The following XXYLT1 variants were observed in gnomAD, a reference collection of about 807,000 sequenced individuals.
XXYLT1 encodes xyloside xylosyltransferase 1.
A neutral mutation model predicts 28.9 loss-of-function variants in XXYLT1; 20 were observed. That is an observed-to-expected ratio of 0.69 (90% CI 0.49 to 1.00). The LOEUF (loss-of-function observed/expected upper bound fraction) is 1.00. XXYLT1 is among the 50% of genes least tolerant of loss of function. The pLI is 0.00. For synonymous variants in XXYLT1, 257 were observed against 253.8 expected (o/e 1.01, Z -0.12); for missense variants, 542 against 560.1 (o/e 0.97, Z 0.33).
At chr3:195,088,031 T>G (rs1715851082) in intron 3 of XXYLT1, among the ~76,000 whole-genome samples, 1 of 150,950 alleles carries the variant, frequency 6.6e-6, no homozygotes. Flanking sequence ...GCTCGGAGGG[T>G]CCTACCCCAC....
intron 3 of XXYLT1, among the ~76,000 whole-genome samples, chr3:195,143,829 TAG>T (rs1491415919): frequency 2.8e-4 from 26 of 93,658 alleles, no homozygotes; most frequent in East Asian, 6.5e-4. Context: ...TAGATATATA[TAG>T]ATATAGATAT....
rs749565250 is a variant in XXYLT1, at chr3:195,156,500, A to G, written c.734T>C (p.Phe245Ser). The change falls in exon 3 of 4, where the codon TTC (phenylalanine) becomes TCC (serine). Residue 245 changes from phenylalanine (F) to serine (S), a missense_variant. Phe to Ser is a radical substitution (Grantham distance 155). Coordinates refer to ENST00000310380, the MANE Select transcript of XXYLT1 (RefSeq NM_152531.5). ...IRELFEEFDSFLPGAIIGIAR... is the reference protein window; with the variant it reads ...IRELFEEFDSSLPGAIIGIAR... The stretch of plus-strand genomic sequence containing the variant: ...TATGCCGATGATGGCGCCTGGCAGG[A>G]AACTGTCAAATTCCTCAAACAACTC... The G allele has an allele frequency of 2.5e-6, 4 of 1,614,144 alleles. No homozygotes were observed. In the African/African-American group the frequency reaches 5.3e-5, roughly 22 times the overall value.
In XXYLT1 at chr3:195,210,758, A is replaced by G. The variant is rs1281209362; in HGVS notation, c.652+15951T>C. On this transcript the variant is annotated intron_variant, in intron 2 of 3. Transcript: ENST00000310380. The surrounding 1 kb of genome is among the most constrained non-coding windows in gnomAD (Gnocchi z 4.8). ...ATTTGCTCCATAAGAGCTGCCAGAAAATAGTTTTCACTGAAATCACTGGAC... is the reference window on the plus strand; with the variant it reads ...ATTTGCTCCATAAGAGCTGCCAGAAGATAGTTTTCACTGAAATCACTGGAC... Among the ~76,000 whole-genome samples, 1 of 152,156 alleles carries G rather than the reference A, an allele frequency of 6.6e-6. No individual in the cohort carries two copies. Among genetic ancestry groups the G allele is most frequent in the Non-Finnish European group, 1.5e-5 (1 of 68,010 alleles).
At chr3:195,153,918 G>T (rs1270594413) in intron 3 of XXYLT1, 6 of 152,412 alleles carry the variant, frequency 3.9e-5, no homozygotes, top group African/African-American at 1.2e-4. Context: ...ACGGAGGGAG[G>T]ACAATGAGGG....
intron 3 of XXYLT1, chr3:195,152,347 G>A (rs1471442086): frequency 6.6e-6 from 1 of 152,630 alleles, no homozygotes; most frequent in Non-Finnish European, 1.5e-5. Context: ...CAGAGAAAAG[G>A]TCAGAGAAAG....
At chr3:195,183,930 T>A (rs1304739686) in intron 2 of XXYLT1, among the ~76,000 whole-genome samples, 1 of 152,242 alleles carries the variant, frequency 6.6e-6, no homozygotes, top group Admixed American at 6.5e-5. Context: ...TTGGCTGCCC[T>A]AGACCATCTG....
chr3:195,202,945 A>G (rs1722920925), intron 2 of XXYLT1, among the ~76,000 whole-genome samples: 1 of 152,190 alleles, frequency 6.6e-6, no homozygotes, highest in Non-Finnish European at 1.5e-5. Flanking sequence ...AAAATCTAAA[A>G]GTCACAAGAT....
Position 195,180,082 on chromosome 3 carries a change from G to A in XXYLT1, c.653-23501C>T, listed in dbSNP as rs757243520. Among the ~76,000 whole-genome samples, 43 of 152,170 alleles carry A rather than the reference G, an allele frequency of 2.8e-4. No individual in the cohort carries two copies. Among genetic ancestry groups the A allele is most frequent in the Non-Finnish European group, 5.0e-4 (34 of 68,030 alleles). On this transcript the variant is annotated intron_variant, in intron 2 of 3. Coordinates refer to ENST00000310380, the MANE Select transcript of XXYLT1 (RefSeq NM_152531.5). This position sits in a 1 kb window ranked among gnomAD's most constrained non-coding sequence, Gnocchi z 5.8. ...GTGAGGGACAGAAGAATCTCTGAGC[G>A]GCCCCAAGCAGTGGGGTTCTGGCAG...
chr3:195,215,791 C>T (rs1339047244), intron 2 of XXYLT1, among the ~76,000 whole-genome samples: 3 of 152,104 alleles, frequency 2.0e-5, no homozygotes, highest in South Asian at 4.1e-4. Flanking sequence ...AGGATACCCA[C>T]GAATTGAACT....
intron 3 of XXYLT1, among the ~76,000 whole-genome samples, chr3:195,149,057 T>C (rs1006999106): frequency 6.6e-6 from 1 of 152,168 alleles, no homozygotes; most frequent in African/African-American, 2.4e-5. Context: ...TACTTTTGTA[T>C]ATGTTGAAAG....
At chr3:195,204,038 CAT>C (rs1438610836) in intron 2 of XXYLT1, among the ~76,000 whole-genome samples, 1 of 152,176 alleles carries the variant, frequency 6.6e-6, no homozygotes, top group East Asian at 1.9e-4. Context: ...ATTCACCACA[CAT>C]AGTGTTAGAG....
intron 3 of XXYLT1, among the ~76,000 whole-genome samples, chr3:195,106,632 G>T (rs551407998): frequency 6.6e-6 from 1 of 152,258 alleles, no homozygotes; most frequent in African/African-American, 2.4e-5. Context: ...GCACGCCGCG[G>T]CAGGGAGGGC....
In XXYLT1 at chr3:195,068,469, C is replaced by T. The variant is rs950937744; in HGVS notation, c.*1246G>A. The stretch of plus-strand genomic sequence containing the variant: ...ATTTCTGCTAAGGTCTACGGTCTAA[C>T]GTGGTATGATAAGGGGATTTTTTAA... On this transcript the variant is annotated 3_prime_UTR_variant, in exon 4 of 4. Coordinates refer to ENST00000310380, the MANE Select transcript of XXYLT1 (RefSeq NM_152531.5). 1 of 152,056 alleles carries T rather than the reference C, an allele frequency of 6.6e-6. No homozygotes were observed. The allele number at this position is 152,056 out of a possible 1,614,324, so 9.4% of individuals were successfully genotyped here. A position where few individuals can be genotyped will look rare whatever the true frequency, so the allele number is the denominator to read the frequency against.
rs1164516193 is a variant in XXYLT1, at chr3:195,270,944, A to G, written c.115T>C (p.Tyr39His). The change falls in exon 1 of 4, where the codon TAC (tyrosine) becomes CAC (histidine). Residue 39 changes from tyrosine (Y) to histidine (H), a missense_variant. Coordinates refer to ENST00000310380, the MANE Select transcript of XXYLT1 (RefSeq NM_152531.5). ...LAAALAVCAF[Y>H]YLGSGRETFS... is the part of the protein sequence containing the mutation. Reference sequence around the variant, plus strand: ...GTCTCCCGGCCTGAGCCGAGGTAGTAGAAGGCGCAGACGGCCAGCGCCGCG... The same window carrying G: ...GTCTCCCGGCCTGAGCCGAGGTAGTGGAAGGCGCAGACGGCCAGCGCCGCG... The G allele has an allele frequency of 6.7e-7, 1 of 1,488,748 alleles. No homozygotes were observed. Among genetic ancestry groups the G allele is most frequent in the Admixed American group, 2.3e-5 (1 of 42,810 alleles). 92.2% of individuals were successfully genotyped at this position (1,488,748 alleles called of 1,614,324 possible). A position where few individuals can be genotyped will look rare whatever the true frequency, so the allele number is the denominator to read the frequency against.
At chr3:195,185,069 A>G (rs891538791) in intron 2 of XXYLT1, among the ~76,000 whole-genome samples, 31 of 132,470 alleles carry the variant, frequency 2.3e-4, no homozygotes, top group African/African-American at 1.0e-3. Context: ...TAAAGAAAAA[A>G]GGAAGGAAAG....
intron 3 of XXYLT1, among the ~76,000 whole-genome samples, chr3:195,131,442 A>G (rs911313209): frequency 1.3e-5 from 2 of 152,272 alleles, no homozygotes; most frequent in African/African-American, 4.8e-5. Context: ...TTGGCTAACT[A>G]TAGCACAGCT....
intron 2 of XXYLT1, among the ~76,000 whole-genome samples, chr3:195,186,020 C>T (rs1368665430): frequency 6.6e-6 from 1 of 152,188 alleles, no homozygotes; most frequent in Admixed American, 6.5e-5. Flanking sequence ...AACCTCCCCT[C>T]TCACCTAAGA....
rs199556090 is a variant in XXYLT1 at position 195,180,223 on chromosome 3, TC to T, written c.653-23643del. On this transcript the variant is annotated intron_variant, in intron 2 of 3. Transcript: ENST00000310380. This position sits in a 1 kb window ranked among gnomAD's most constrained non-coding sequence, Gnocchi z 5.8. ...ATGCACAGTCATTTCTAACGCCAGA[TC>T]CCCGTCTCTGCACTGACACCGGGGG... The T allele has an allele frequency of 1.7e-3, 1,295 of 755,998 alleles. 9 individuals are homozygous for T. In the African/African-American group the frequency reaches 0.023, roughly 13 times the overall value. The allele number at this position is 755,998 out of a possible 1,614,324, so 46.8% of individuals were successfully genotyped here.
intron 2 of XXYLT1, among the ~76,000 whole-genome samples, chr3:195,225,344 T>C (rs150671515): frequency 8.5e-5 from 13 of 152,286 alleles, no homozygotes; most frequent in Non-Finnish European, 1.8e-4. Context: ...GCCTGCAAAG[T>C]CCCAGCCAGA....
Sources: allele counts gnomAD v4.1 joint callset (sites outside exome capture counted in the v4.1 genomes callset), GRCh38; gene constraint gnomAD v4.1.1; non-coding constraint Gnocchi (gnomAD v3.1); transcripts MANE v1.5; gene names NCBI Gene and HGNC (gene_info 2026-07-23, HGNC 2026-07-21).